Variants in PATJ observed in about 807,000 individuals in gnomAD.
The protein encoded by PATJ is PATJ crumbs cell polarity complex component, also known as inaD-like protein.
In PATJ, 190 loss-of-function variants were observed where a neutral mutation model predicts 224.9. The ratio of observed to expected loss-of-function variants is 0.84; its 90% CI spans 0.75 to 0.95. The LOEUF (loss-of-function observed/expected upper bound fraction) is 0.95, where lower values mean the gene tolerates loss of function less well. Among genes scored for constraint, PATJ ranks in the 40% least tolerant of loss-of-function variants. PATJ has a pLI of 0.00. For synonymous variants in PATJ, 769 were observed against 820.3 expected (o/e 0.94, Z 1.07); for missense variants, 2,121 against 2,270.3 (o/e 0.93, Z 1.34).
intron 41 of PATJ, among the ~76,000 whole-genome samples, chr1:62,142,552 A>G (rs1272650141): frequency 1.3e-5 from 2 of 152,246 alleles, no homozygotes; most frequent in Non-Finnish European, 2.9e-5. Flanking sequence ...TAGACACATT[A>G]GCATTGTGCT....
At position 62,028,994 on chromosome 1, in the gene PATJ, T is replaced by TACATACATACATACATACAC. The variant is rs1350355669; in HGVS notation, c.3960-8980_3960-8979insTACATACATACATACACACA. ...ATACATACATACATACATACATACA[T>TACATACATACATACATACAC]ACACGTATACCAGGGTTTATTTCTT... On this transcript the variant is annotated intron_variant, in intron 29 of 43. Coordinates refer to ENST00000642238, the MANE Select transcript of PATJ (RefSeq NM_001350145.3). Among the ~76,000 whole-genome samples the TACATACATACATACATACAC allele has an allele frequency of 5.2e-4, 79 of 151,938 alleles. 1 individual carries two copies. Among genetic ancestry groups the TACATACATACATACATACAC allele is most frequent in the African/African-American group, 1.8e-3 (73 of 41,418 alleles).
At chr1:61,783,745 C>CTTTTTTTTTTTTT (rs11372619) in intron 7 of PATJ, among the ~76,000 whole-genome samples, 1 of 117,892 alleles carries the variant, frequency 8.5e-6, no homozygotes, top group Non-Finnish European at 1.6e-5. Context: ...AGAGTTGCTA[C>CTTTTTTTTTTTTT]TTTTTTTTTT....
chr1:62,087,840 A>G (rs1201616224), intron 33 of PATJ, among the ~76,000 whole-genome samples: 1 of 151,816 alleles, frequency 6.6e-6, no homozygotes, highest in Non-Finnish European at 1.5e-5. Flanking sequence ...TCATACATAC[A>G]GGAATTTGGT....
At chr1:62,153,792 G>A (rs113898125) in intron 43 of PATJ, among the ~76,000 whole-genome samples, 65 of 152,314 alleles carry the variant, frequency 4.3e-4, no homozygotes, top group Admixed American at 1.2e-3. Flanking sequence ...GTCCTTGGAA[G>A]TATTGTTCTG....
At chr1:61,934,112 TTTG>T (rs1167602132) in intron 27 of PATJ, among the ~76,000 whole-genome samples, 4 of 149,732 alleles carry the variant, frequency 2.7e-5, no homozygotes, top group African/African-American at 1.0e-4. Flanking sequence ...ATTTTTGTAT[TTTG>T]TTGTTGTTGT....
In PATJ at chr1:61,896,197, C is replaced by T. The variant is rs777705750; in HGVS notation, c.3132-3386C>T. Among the ~76,000 whole-genome samples, 65 of 151,302 alleles carry T rather than the reference C, an allele frequency of 4.3e-4. 1 individual carries two copies. Among genetic ancestry groups the T allele is most frequent in the South Asian group, 1.3e-3 (6 of 4,766 alleles). ...TTGAAATCCCAGCTACGTGGGAGGCCAAGTCAGGAGAATCACTTGAACTGG... is the reference window on the plus strand; with the variant it reads ...TTGAAATCCCAGCTACGTGGGAGGCTAAGTCAGGAGAATCACTTGAACTGG... On this transcript the variant is annotated intron_variant, in intron 22 of 43. Transcript: ENST00000642238.
chr1:62,119,024 G>A (rs558980137), intron 37 of PATJ, among the ~76,000 whole-genome samples: 23 of 150,924 alleles, frequency 1.5e-4, no homozygotes, highest in South Asian at 2.1e-4. Flanking sequence ...AAAACCTATC[G>A]TCTCCACTTA....
chr1:61,835,314 A>G (rs984869965), intron 17 of PATJ, among the ~76,000 whole-genome samples: 1 of 152,198 alleles, frequency 6.6e-6, no homozygotes, highest in South Asian at 2.1e-4. Flanking sequence ...TATATTATCT[A>G]GAACCACTAG....
chr1:61,899,384 C>T (rs921223622), intron 22 of PATJ, among the ~76,000 whole-genome samples, 199 bp from the exon 23 acceptor site: 6 of 151,982 alleles, frequency 3.9e-5, no homozygotes, highest in Non-Finnish European at 8.8e-5. Context: ...TTTTCTAATG[C>T]TGGGTGGGGA....
intron 17 of PATJ, among the ~76,000 whole-genome samples, chr1:61,841,252 G>A (rs1160472435): frequency 6.6e-6 from 1 of 151,954 alleles, no homozygotes; most frequent in East Asian, 1.9e-4. Flanking sequence ...GGGTTGGGGG[G>A]AGGGCATTAG....
intron 27 of PATJ, among the ~76,000 whole-genome samples, chr1:61,947,024 A>G (rs972300268): frequency 6.6e-6 from 1 of 152,226 alleles, no homozygotes; most frequent in Admixed American, 6.5e-5. Context: ...ACAGCCCTTC[A>G]TGCTAAAAAC....
At chr1:62,160,358 T>C (rs1393282799) in intron 43 of PATJ, among the ~76,000 whole-genome samples, 1 of 152,176 alleles carries the variant, frequency 6.6e-6, no homozygotes, top group East Asian at 1.9e-4. Flanking sequence ...TACAAAATTT[T>C]AGAGATGCTA....
intron 22 of PATJ, among the ~76,000 whole-genome samples, chr1:61,896,295 CAAAAA>C (rs386367129): frequency 6.9e-6 from 1 of 143,970 alleles, no homozygotes; most frequent in Admixed American, 6.9e-5. Context: ...GACTCCATCT[CAAAAA>C]AAAAAAAAAT....
chr1:61,851,387 A>C (rs2148886473), intron 17 of PATJ, among the ~76,000 whole-genome samples: 1 of 152,236 alleles, frequency 6.6e-6, no homozygotes, highest in South Asian at 2.1e-4. Context: ...GGCAAACTCT[A>C]GACAAGTGGC....
intron 32 of PATJ, among the ~76,000 whole-genome samples, chr1:62,082,906 T>TA (rs1447406454): frequency 6.6e-6 from 1 of 152,178 alleles, no homozygotes; most frequent in Non-Finnish European, 1.5e-5. Context: ...CTCTGTGCAT[T>TA]AGCTGCAGCT....
At chr1:61,906,295 A>G (rs780039561) in intron 24 of PATJ, among the ~76,000 whole-genome samples, 24 of 152,256 alleles carry the variant, frequency 1.6e-4, no homozygotes, top group Non-Finnish European at 2.2e-4. Flanking sequence ...CTTGTTGTTC[A>G]AGGGTTTTTA....
intron 25 of PATJ, among the ~76,000 whole-genome samples, chr1:61,912,250 T>A (rs189351590): frequency 6.6e-6 from 1 of 152,284 alleles, no homozygotes; most frequent in African/African-American, 2.4e-5. Flanking sequence ...GCATTTTGTC[T>A]TCTAAATTTT....
intron 14 of PATJ, among the ~76,000 whole-genome samples, chr1:61,820,102 C>A (rs1487894732): frequency 6.6e-6 from 1 of 151,922 alleles, no homozygotes; most frequent in African/African-American, 2.4e-5. Flanking sequence ...AGTGCAGTGG[C>A]ACAATCTCGG....
rs572270215 is a variant in PATJ at position 61,990,036 on chromosome 1, G to T, written c.3671-132G>T. On this transcript the variant is annotated intron_variant, in intron 27 of 43. Coordinates refer to ENST00000642238, the MANE Select transcript of PATJ (RefSeq NM_001350145.3). Reference sequence around the variant, plus strand: ...GCAGCACTCCAGTCTGCGCAATATAGCAAGACTCTGTCTCTTAAAAAACAA... The same window carrying T: ...GCAGCACTCCAGTCTGCGCAATATATCAAGACTCTGTCTCTTAAAAAACAA... 1,009 of 679,528 alleles carry T rather than the reference G, an allele frequency of 1.5e-3. 7 individuals carry two copies. Among genetic ancestry groups the T allele is most frequent in the Non-Finnish European group, 4.8e-4 (199 of 413,504 alleles). 42.1% of individuals were successfully genotyped at this position (679,528 alleles called of 1,614,324 possible).
Sources: gnomAD v4.1 joint callset for allele counts (sites outside exome capture counted in the v4.1 genomes callset) on GRCh38, gnomAD v4.1.1 for gene constraint, MANE v1.5 for transcripts, NCBI Gene and HGNC (gene_info 2026-07-23, HGNC 2026-07-21) for gene names.